Variants in HERC4 observed in about 807,000 individuals in gnomAD.
The protein encoded by HERC4 is probable E3 ubiquitin-protein ligase HERC4.
Under a neutral mutation model 124.3 loss-of-function variants are expected in HERC4, and 28 were observed. The observed-to-expected ratio is 0.23, with a 90% CI of 0.17 to 0.31. The LOEUF is 0.31. Among genes scored for constraint, HERC4 ranks in the 10% least tolerant of loss-of-function variants. The probability of loss-of-function intolerance (pLI) is 1.00; values close to 1 mark genes in which losing one functional copy is unlikely to be tolerated. For missense variants in HERC4, 713 were observed against 1,229.3 expected, an observed-to-expected ratio of 0.58 and a Z score of 6.28; for synonymous variants, 407 against 421.5, an observed-to-expected ratio of 0.97 and a Z score of 0.42.
intron 4 of HERC4, among the ~76,000 whole-genome samples, chr10:68,041,296 A>ATT (rs1295792575): frequency 0.033 from 4,954 of 152,224 alleles, 261 homozygotes; most frequent in African/African-American, 0.11. Context: ...ACACCAACTC[A>ATT]TTTCAATTTT....
In HERC4 at chr10:67,932,909, T is replaced by G. The variant is rs527953510; in HGVS notation, c.2655-129A>C. ...ATCTACGAAACTGAGAATGTATGAGTAGCGTTCAAACAGGACAAAACCAAA... is the reference window on the plus strand; with the variant it reads ...ATCTACGAAACTGAGAATGTATGAGGAGCGTTCAAACAGGACAAAACCAAA... On this transcript the variant is annotated intron_variant, in intron 22 of 24. Coordinates refer to ENST00000373700, the MANE Select transcript of HERC4 (RefSeq NM_015601.4). 8.8e-5 allele frequency: 68 copies of G among 770,602 alleles called. No individual in the cohort carries two copies. The South Asian group carries it at 1.3e-3, about 14-fold the overall frequency. 47.7% of individuals were successfully genotyped at this position (770,602 alleles called of 1,614,324 possible).
intron 9 of HERC4, chr10:68,007,793 G>C (rs1399729889): frequency 6.6e-6 from 1 of 151,868 alleles, no homozygotes. Flanking sequence ...CTACTGATCA[G>C]CACAGGAGTT....
chr10:67,982,968 A>T (rs915490193), intron 15 of HERC4, among the ~76,000 whole-genome samples: 2 of 152,026 alleles, frequency 1.3e-5, no homozygotes, highest in African/African-American at 4.8e-5. Context: ...TCTCTAATAA[A>T]ATACAAAAAA....
intron 8 of HERC4, among the ~76,000 whole-genome samples, chr10:68,019,066 G>A (rs1049201876): frequency 4.1e-5 from 6 of 146,714 alleles, no homozygotes; most frequent in East Asian, 2.0e-4. Flanking sequence ...GTGCGATCTC[G>A]GCTCACTGCA....
At chr10:68,010,494 A>C (rs925543786) in intron 9 of HERC4, 1 of 959,360 alleles carries the variant, frequency 1.0e-6, no homozygotes, top group African/African-American at 1.6e-5. Flanking sequence ...CTAGAGCCCA[A>C]GCTGCTGGGC....
At chr10:68,073,762 T>A (rs2041677970) in intron 1 of HERC4, 76 bp from the exon 2 acceptor site, 1 of 152,164 alleles carries the variant, frequency 6.6e-6, no homozygotes, top group South Asian at 2.1e-4. Context: ...CAATTACTCT[T>A]TAGCCCAGAG....
intron 9 of HERC4, among the ~76,000 whole-genome samples, chr10:68,013,521 C>T (rs1257348347): frequency 6.6e-6 from 1 of 152,102 alleles, no homozygotes; most frequent in African/African-American, 2.4e-5. Flanking sequence ...AGGTACCTAG[C>T]CTAGTGTTAA....
chr10:67,955,741 A>G (rs2034100416), intron 17 of HERC4: 1 of 152,264 alleles, frequency 6.6e-6, no homozygotes, highest in African/African-American at 2.4e-5. Context: ...ACTGCACTAC[A>G]GCCTGGGCGA....
At chr10:68,048,413 A>G (rs1397453596) in intron 3 of HERC4, among the ~76,000 whole-genome samples, 1 of 152,224 alleles carries the variant, frequency 6.6e-6, no homozygotes, top group Non-Finnish European at 1.5e-5. Context: ...CAATCTGAAA[A>G]GGCTACAAAC....
At chr10:68,010,392 G>C (rs2037872692) in intron 9 of HERC4, 2 of 997,922 alleles carry the variant, frequency 2.0e-6, no homozygotes, top group Non-Finnish European at 3.1e-6. Flanking sequence ...AGGAGACCCA[G>C]CAGCCTCAAA....
chr10:67,992,168 C>T, intron 11 of HERC4, 31 bp downstream of exon 11: 1 of 1,605,970 alleles, frequency 6.2e-7, no homozygotes, highest in Non-Finnish European at 8.5e-7. Flanking sequence ...AGGCATGAGC[C>T]ACTGTGCCTG....
At chr10:68,009,080 C>T (rs1286930168) in intron 9 of HERC4, among the ~76,000 whole-genome samples, 2 of 151,948 alleles carry the variant, frequency 1.3e-5, no homozygotes, top group East Asian at 3.9e-4. Flanking sequence ...AAAAATTAGC[C>T]AGGTGTGGTG....
intron 21 of HERC4, among the ~76,000 whole-genome samples, chr10:67,938,146 A>G (rs192241672): frequency 1.3e-5 from 2 of 152,150 alleles, no homozygotes; most frequent in African/African-American, 4.8e-5. Context: ...CAAAAAATTT[A>G]AAAAATAAAA....
intron 5 of HERC4, among the ~76,000 whole-genome samples, chr10:68,036,348 A>G (rs1026200907): frequency 3.9e-5 from 6 of 152,016 alleles, no homozygotes; most frequent in Non-Finnish European, 8.8e-5. Context: ...TAGCAAATGA[A>G]TAAGATATTG....
chr10:68,008,641 A>G (rs955320445), intron 9 of HERC4, among the ~76,000 whole-genome samples: 12 of 152,186 alleles, frequency 7.9e-5, no homozygotes, highest in Non-Finnish European at 1.5e-4. Context: ...AAAGAATTCA[A>G]ATTCTTAAAA....
chr10:67,927,426 ATATATTTTTT>A (rs1218816982), intron 23 of HERC4, among the ~76,000 whole-genome samples: 3 of 8,868 alleles, frequency 3.4e-4, no homozygotes, highest in African/African-American at 8.2e-4. Flanking sequence ...ATATATATAT[ATATATTTTTT>A]TTTTTTTTTA....
chr10:68,055,388 T>C (rs1223154508), intron 3 of HERC4, among the ~76,000 whole-genome samples: 1 of 152,198 alleles, frequency 6.6e-6, no homozygotes, highest in African/African-American at 2.4e-5. Flanking sequence ...TGTGTCTTAG[T>C]TGACAGCAAA....
intron 14 of HERC4, 110 bp downstream of exon 14, chr10:67,990,101 A>T (rs1324449685): frequency 1.3e-6 from 1 of 798,406 alleles, no homozygotes. Flanking sequence ...TTTTTGCCTA[A>T]GACAGTGTCA....
chr10:67,996,879 T>G (rs1230510270), intron 9 of HERC4, among the ~76,000 whole-genome samples: 1 of 151,790 alleles, frequency 6.6e-6, no homozygotes, highest in Non-Finnish European at 1.5e-5. Flanking sequence ...TCCCGGCTAC[T>G]TGGGAGGCTG....
Sources: gnomAD v4.1 joint callset for allele counts (sites outside exome capture counted in the v4.1 genomes callset) on GRCh38, gnomAD v4.1.1 for gene constraint, MANE v1.5 for transcripts, NCBI Gene and HGNC (gene_info 2026-07-23, HGNC 2026-07-21) for gene names.